Variants in CDH12 observed in about 807,000 individuals in gnomAD.
CDH12 encodes the protein cadherin-12.
A neutral mutation model predicts 74.1 loss-of-function variants in CDH12; 41 were observed. That is an observed-to-expected ratio of 0.55 (90% CI 0.43 to 0.72). The LOEUF (loss-of-function observed/expected upper bound fraction) is 0.72, where lower values mean the gene tolerates loss of function less well. CDH12 is among the 30% of genes least tolerant of loss of function. CDH12 has a pLI of 0.00. For missense variants in CDH12, 945 were observed against 977.2 expected (o/e 0.97, Z 0.44); for synonymous variants, 399 against 355.0 (o/e 1.12, Z -1.39).
intron 2 of CDH12, among the ~76,000 whole-genome samples, chr5:22,500,172 C>T (rs1747276603): frequency 6.6e-6 from 1 of 152,098 alleles, no homozygotes; most frequent in Non-Finnish European, 1.5e-5. Context: ...TTTCTATCTT[C>T]AACACAAAAT....
intron 1 of CDH12, among the ~76,000 whole-genome samples, chr5:22,726,110 T>C (rs372505156): frequency 2.6e-5 from 4 of 151,864 alleles, no homozygotes; most frequent in South Asian, 4.1e-4. Context: ...TTATGTGTTA[T>C]GACAAATGTA....
chr5:21,939,892 G>GT (rs1007683575), intron 6 of CDH12, among the ~76,000 whole-genome samples: 21 of 152,066 alleles, frequency 1.4e-4, no homozygotes, highest in East Asian at 7.7e-4. Flanking sequence ...TCAAAAAGTG[G>GT]TTTTTTGTGC....
chr5:21,961,899 G>A (rs1756378581), intron 6 of CDH12, among the ~76,000 whole-genome samples: 2 of 152,060 alleles, frequency 1.3e-5, no homozygotes, highest in South Asian at 4.1e-4. Flanking sequence ...TTTAATCAGT[G>A]ATGTCAGTGT....
At chr5:22,433,077 C>T (rs1402508309) in intron 2 of CDH12, among the ~76,000 whole-genome samples, 1 of 152,094 alleles carries the variant, frequency 6.6e-6, no homozygotes, top group Non-Finnish European at 1.5e-5. Flanking sequence ...GCAAACCCTC[C>T]CTCTTTAATG....
chr5:22,478,396 C>A (rs1380867080), intron 2 of CDH12, among the ~76,000 whole-genome samples: 2 of 115,408 alleles, frequency 1.7e-5, no homozygotes, highest in East Asian at 2.6e-4. Flanking sequence ...CCAGCCTGGG[C>A]GACAGAGCGA....
intron 4 of CDH12, among the ~76,000 whole-genome samples, chr5:22,087,190 A>G (rs1252206408): frequency 1.3e-5 from 2 of 152,164 alleles, no homozygotes; most frequent in African/African-American, 4.8e-5. Flanking sequence ...AGATAATAAT[A>G]ATGTATCAGT....
chr5:22,316,303 C>T (rs1370145651), intron 3 of CDH12, among the ~76,000 whole-genome samples: 6 of 150,260 alleles, frequency 4.0e-5, no homozygotes, highest in African/African-American at 1.5e-4. Context: ...ATACAGAGAA[C>T]AACCCATTTC....
At chr5:22,342,414 TA>T (rs1739893199) in intron 3 of CDH12, among the ~76,000 whole-genome samples, 5 of 152,190 alleles carry the variant, frequency 3.3e-5, no homozygotes, top group Admixed American at 3.3e-4. Flanking sequence ...TGTAGGAACA[TA>T]AGGGCTTGAA....
intron 5 of CDH12, among the ~76,000 whole-genome samples, chr5:22,043,518 T>C (rs1739716846): frequency 6.6e-6 from 1 of 152,082 alleles, no homozygotes; most frequent in Non-Finnish European, 1.5e-5. Flanking sequence ...AGTTTTTCCA[T>C]TAAGATATGA....
chr5:21,796,356 T>G (rs563265386), intron 10 of CDH12, among the ~76,000 whole-genome samples: 118 of 143,140 alleles, frequency 8.2e-4, no homozygotes, highest in African/African-American at 2.8e-3. Flanking sequence ...GAATATCTTA[T>G]GTAATTTATT....
intron 1 of CDH12, among the ~76,000 whole-genome samples, chr5:22,745,885 A>C (rs1322754197): frequency 6.6e-6 from 1 of 152,164 alleles, no homozygotes. Flanking sequence ...TCTATGTAAA[A>C]GGCCTGCACG....
At chr5:22,688,694 A>C (rs1741934155) in intron 1 of CDH12, among the ~76,000 whole-genome samples, 1 of 152,194 alleles carries the variant, frequency 6.6e-6, no homozygotes, top group Non-Finnish European at 1.5e-5. Flanking sequence ...GCACTGGATG[A>C]AAAAATGTGC....
intron 4 of CDH12, among the ~76,000 whole-genome samples, chr5:22,136,571 C>T (rs1438374050): frequency 3.3e-5 from 5 of 150,660 alleles, no homozygotes; most frequent in African/African-American, 1.2e-4. Flanking sequence ...CTAATTGCAC[C>T]CATGCTTTGG....
At chr5:22,761,444 C>G (rs909093112) in intron 1 of CDH12, among the ~76,000 whole-genome samples, 4 of 152,046 alleles carry the variant, frequency 2.6e-5, no homozygotes, top group Non-Finnish European at 4.4e-5. Flanking sequence ...ACGGTGTGCC[C>G]CCCAGGAGTT....
chr5:21,882,236 T>C (rs1752389792), intron 6 of CDH12, among the ~76,000 whole-genome samples: 1 of 152,202 alleles, frequency 6.6e-6, no homozygotes, highest in Non-Finnish European at 1.5e-5. Flanking sequence ...TTTATCTGAA[T>C]TTATTCTCAT....
chr5:22,111,269 T>C (rs1744799695), intron 4 of CDH12, among the ~76,000 whole-genome samples: 1 of 152,184 alleles, frequency 6.6e-6, no homozygotes, highest in African/African-American at 2.4e-5. Context: ...CAACTGATTC[T>C]CTTAGATGAC....
chr5:22,276,045 T>A (rs1165117615), intron 3 of CDH12, among the ~76,000 whole-genome samples: 2 of 152,228 alleles, frequency 1.3e-5, no homozygotes, highest in Non-Finnish European at 2.9e-5. Flanking sequence ...CAAATCAATT[T>A]CTTTTATTCA....
At position 22,014,821 on chromosome 5, in the gene CDH12, A is replaced by C. The variant is rs535655830; in HGVS notation, c.232-39436T>G. ...GACTGCTTTCAAATTCTCACTGTAC[A>C]ACTCTAAAAACATACACTTATTTGA... On this transcript the variant is annotated intron_variant, in intron 5 of 14. Transcript: ENST00000382254. 2.6e-5 allele frequency among the ~76,000 whole-genome samples: 4 copies of C among 152,308 alleles called. No homozygotes were observed. The East Asian group carries it at 7.7e-4, about 29-fold the overall frequency.
intron 2 of CDH12, among the ~76,000 whole-genome samples, chr5:22,425,160 T>TATATATAAAA (rs1334686098): frequency 3.0e-5 from 4 of 133,904 alleles, no homozygotes; most frequent in Non-Finnish European, 6.4e-5. Flanking sequence ...TGTGTATATA[T>TATATATAAAA]ATATATATAT....
Sources: allele counts gnomAD v4.1 joint callset (sites outside exome capture counted in the v4.1 genomes callset), GRCh38; gene constraint gnomAD v4.1.1; transcripts MANE v1.5; gene names NCBI Gene and HGNC (gene_info 2026-07-23, HGNC 2026-07-21).